The following CHAT variants were observed in gnomAD, a reference collection of about 807,000 sequenced individuals.
CHAT encodes acetyl CoA:choline O-acetyltransferase.
A neutral mutation model predicts 76.9 loss-of-function variants in CHAT; 61 were observed. That is an observed-to-expected ratio of 0.79 (90% confidence interval 0.65 to 0.98). The LOEUF (loss-of-function observed/expected upper bound fraction) is 0.98, where lower values mean the gene tolerates loss of function less well. Ranked by LOEUF, CHAT falls within the 50% of genes least tolerant of loss-of-function variation. The probability of loss-of-function intolerance (pLI) is 0.00; values close to 1 mark genes in which losing one functional copy is unlikely to be tolerated. For missense variants in CHAT, 946 were observed against 986.9 expected, an observed-to-expected ratio of 0.96 and a Z score of 0.56; for synonymous variants, 407 against 397.4, an observed-to-expected ratio of 1.02 and a Z score of -0.29.
rs1225839634 is a variant in CHAT, at chr10:49,646,657, TACG to T, written c.1267_1269del (p.Asp423del). On this transcript the variant is annotated inframe_deletion, in exon 8 of 15. Transcript: ENST00000337653. ...CAGCAAGAACGGGGCCAATCGCTGGTACGACAAGTCCCTGCAGGTAAGCCGTCC... is the reference window on the plus strand; with the variant it reads ...CAGCAAGAACGGGGCCAATCGCTGGTACAAGTCCCTGCAGGTAAGCCGTCC... The T allele has an allele frequency of 1.2e-6, 2 of 1,613,744 alleles. No homozygotes were observed. The highest frequency in any genetic ancestry group is 1.3e-5 in the African/African-American group (1 of 74,942).
rs1373063836 is a variant in CHAT at position 49,627,692 on chromosome 10, G to T, written c.1018G>T (p.Ala340Ser). 5 of 1,614,148 alleles carry T rather than the reference G, an allele frequency of 3.1e-6. No individual in the cohort carries two copies. The highest frequency in any genetic ancestry group is 4.2e-6 in the Non-Finnish European group (5 of 1,179,982). Residue 340 changes from alanine (A) to serine (S), a missense_variant, in exon 7 of 15, where the codon GCT (alanine) becomes TCT (serine). Transcript: ENST00000337653. ...TCAGTTGAGAAAGATAGTCAAAATGGCTTCCAACGAGGACGAGCGTTTGCC... is the reference window on the plus strand; with the variant it reads ...TCAGTTGAGAAAGATAGTCAAAATGTCTTCCAACGAGGACGAGCGTTTGCC... ...FTQLRKIVKM[A>S]SNEDERLPPI...
intron 1 of CHAT, among the ~76,000 whole-genome samples, chr10:49,614,840 G>A (rs1309969506): frequency 6.6e-6 from 1 of 152,208 alleles, no homozygotes; most frequent in Non-Finnish European, 1.5e-5. Context: ...CCCGGGAGCA[G>A]GGGGTGGGGA....
chr10:49,620,546 C>A lies in CHAT; in HGVS notation c.631C>A (p.Pro211Thr). 6.2e-7 allele frequency: 1 copy of A among 1,613,914 alleles called. No individual in the cohort carries two copies. The highest frequency in any genetic ancestry group is 8.5e-7 in the Non-Finnish European group (1 of 1,179,860). ...DMYLNNRLAL[P>T]VNSSPAVIFA... Reference sequence around the variant, plus strand: ...GTATCTCAACAACCGCCTGGCCCTGCCTGTCAACTCCAGCCCTGCCGTGAT... The same window carrying A: ...GTATCTCAACAACCGCCTGGCCCTGACTGTCAACTCCAGCCCTGCCGTGAT... The change falls in exon 4 of 15, where the codon CCT becomes ACT. Residue 211 changes from proline (P) to threonine (T), a missense_variant. Transcript: ENST00000337653.
At chr10:49,619,956 G>A in intron 3 of CHAT, 40 bp downstream of exon 3, 1 of 1,584,386 alleles carries the variant, frequency 6.3e-7, no homozygotes, top group Non-Finnish European at 8.6e-7. Context: ...AGAGGGGCGG[G>A]AGGCAGACCT....
rs370202834 is a variant in CHAT, at chr10:49,627,656, G to A, written c.982G>A (p.Asp328Asn). The change falls in exon 7 of 15, where the codon GAT becomes AAT. Residue 328 changes from aspartate (D) to asparagine (N), a missense_variant. By Grantham distance (23) the Asp-to-Asn change is conservative (BLOSUM62 1). This residue lies in a region of CHAT where 548 missense variants were observed against 516.2 expected (regional missense o/e 1.06). Coordinates refer to ENST00000337653, the MANE Select transcript of CHAT (RefSeq NM_020549.5). Reference sequence around the variant, plus strand: ...TAATTTCCGCCGTCTCAGTGAGGGGGATCTGTTCACTCAGTTGAGAAAGAT... The same window carrying A: ...TAATTTCCGCCGTCTCAGTGAGGGGAATCTGTTCACTCAGTTGAGAAAGAT... ...VINFRRLSEG[D>N]LFTQLRKIVK... 1 of 1,614,142 alleles carries A rather than the reference G, an allele frequency of 6.2e-7. No individual in the cohort carries two copies. The highest frequency in any genetic ancestry group is 8.5e-7 in the Non-Finnish European group (1 of 1,179,990).
In CHAT at chr10:49,667,536, C is replaced by A. The variant is rs944748898; in HGVS notation, c.*2490C>A. Among the ~76,000 whole-genome samples the A allele has an allele frequency of 1.3e-5, 2 of 152,304 alleles. No individual in the cohort carries two copies. Among genetic ancestry groups the A allele is most frequent in the Middle Eastern group, 3.4e-3 (1 of 294 alleles). On this transcript the variant is annotated 3_prime_UTR_variant, in exon 15 of 15. Transcript: ENST00000337653. Reference sequence around the variant, plus strand: ...AAGAGGCTGGAAGCTGGTCTTCCCCCTCCAAGAATACACGGGTGCACTGAG... The same window carrying A: ...AAGAGGCTGGAAGCTGGTCTTCCCCATCCAAGAATACACGGGTGCACTGAG...
chr10:49,665,868 A>C lies in CHAT; in HGVS notation c.*822A>C, dbSNP rs559216116. Among the ~76,000 whole-genome samples, 10 of 152,140 alleles carry C rather than the reference A, an allele frequency of 6.6e-5. No homozygotes were observed. Among genetic ancestry groups the C allele is most frequent in the African/African-American group, 2.4e-4 (10 of 41,514 alleles). On this transcript the variant is annotated 3_prime_UTR_variant, in exon 15 of 15. Coordinates refer to ENST00000337653, the MANE Select transcript of CHAT (RefSeq NM_020549.5). ...CCTGGTGCCGGTGGGTTTGCAGAGG[A>C]CCTGGCCCCTTCCCGGGGTCCTGCC... is the stretch of plus-strand genomic sequence containing the variant.
intron 2 of CHAT, among the ~76,000 whole-genome samples, chr10:49,617,785 G>A (rs1838552991): frequency 1.3e-5 from 2 of 152,170 alleles, no homozygotes; most frequent in Admixed American, 1.3e-4. Flanking sequence ...TGGGTTGGGG[G>A]CCCAGACCTG....
At chr10:49,643,405 C>A (rs893295164) in intron 7 of CHAT, among the ~76,000 whole-genome samples, 1 of 152,192 alleles carries the variant, frequency 6.6e-6, no homozygotes, top group Non-Finnish European at 1.5e-5. Flanking sequence ...TATACACCTC[C>A]TGGCATGCCT....
intron 2 of CHAT, among the ~76,000 whole-genome samples, chr10:49,617,068 C>T (rs1408617690): frequency 3.9e-5 from 6 of 152,146 alleles, no homozygotes; most frequent in Non-Finnish European, 8.8e-5. Context: ...GGCAGGCATC[C>T]TCCCTCCCGC....
intron 7 of CHAT, among the ~76,000 whole-genome samples, chr10:49,640,501 T>G (rs1213094835): frequency 6.6e-6 from 1 of 150,426 alleles, no homozygotes; most frequent in Non-Finnish European, 1.5e-5. Flanking sequence ...ACTGCAGGGT[T>G]GGGGGGTGGA....
chr10:49,615,788 C>G, intron 1 of CHAT: 1 of 547,904 alleles, frequency 1.8e-6, no homozygotes, highest in South Asian at 2.8e-5. Flanking sequence ...CAGGTGGCCC[C>G]TAGGGGCCCT....
Position 49,662,639 on chromosome 10 carries a change from A to G in CHAT, c.1840-6A>G. On this transcript the variant is annotated splice_polypyrimidine_tract_variant and splice_region_variant and intron_variant, in intron 13 of 14. Coordinates refer to ENST00000337653, the MANE Select transcript of CHAT (RefSeq NM_020549.5). ...CATCTCCTGTTCTTTGTCCCCAACT[A>G]CACAGGCCATAACAGGGATGGCCAT... 1 of 1,614,054 alleles carries G rather than the reference A, an allele frequency of 6.2e-7. No individual in the cohort carries two copies. The highest frequency in any genetic ancestry group is 8.5e-7 in the Non-Finnish European group (1 of 1,179,990).
At chr10:49,631,698 TGAGACTTTA>T (rs1397012991) in intron 7 of CHAT, among the ~76,000 whole-genome samples, 2 of 152,158 alleles carry the variant, frequency 1.3e-5, no homozygotes, top group African/African-American at 2.4e-5. Context: ...TGCTTGAAAC[TGAGACTTTA>T]GAGGTGGTGG....
intron 7 of CHAT, among the ~76,000 whole-genome samples, chr10:49,635,487 T>A (rs181605758): frequency 1.3e-5 from 2 of 152,284 alleles, no homozygotes; most frequent in Admixed American, 6.5e-5. Flanking sequence ...GTATGTTTAG[T>A]TTTTTAAGAA....
At chr10:49,624,209 T>C (rs754630707) in intron 5 of CHAT, among the ~76,000 whole-genome samples, 1 of 152,206 alleles carries the variant, frequency 6.6e-6, no homozygotes, top group Non-Finnish European at 1.5e-5. Context: ...AGAACCAATA[T>C]ATTTTCTTTC....
At chr10:49,611,627 G>A (rs1248663526), upstream of CHAT, 2 of 1,611,668 alleles carry the variant, frequency 1.2e-6, no homozygotes, top group Non-Finnish European at 1.7e-6. Context: ...GTGGTGGCCG[G>A]CGCGCTCACC....
chr10:49,661,642 G>A (rs1564497076), intron 13 of CHAT, among the ~76,000 whole-genome samples: 1 of 152,108 alleles, frequency 6.6e-6, no homozygotes, highest in South Asian at 2.1e-4. Context: ...CCATCCTACA[G>A]AACTGTGAAA....
chr10:49,666,095 G>A lies in CHAT; in HGVS notation c.*1049G>A, dbSNP rs1214561704. Among the ~76,000 whole-genome samples, 1 of 152,206 alleles carries A rather than the reference G, an allele frequency of 6.6e-6. No homozygotes were observed. The highest frequency in any genetic ancestry group is 1.9e-4 in the East Asian group (1 of 5,188). ...AGGCAGCTGGGCTCCTTTATTTGGA[G>A]CAGGCTATCCAGGGACTCTGACAAA... On this transcript the variant is annotated 3_prime_UTR_variant, in exon 15 of 15. Coordinates refer to ENST00000337653, the MANE Select transcript of CHAT (RefSeq NM_020549.5).
Sources: gnomAD v4.1 joint callset for allele counts (sites outside exome capture counted in the v4.1 genomes callset) on GRCh38, gnomAD v4.1.1 for gene constraint, gnomAD v4.1.1 regional missense constraint, MANE v1.5 for transcripts, NCBI Gene and HGNC (gene_info 2026-07-23, HGNC 2026-07-21) for gene names.